The following KRTAP4-5 variants were observed in gnomAD, a reference collection of about 807,000 sequenced individuals.
KRTAP4-5 encodes keratin-associated protein 4-5.
For synonymous variants in KRTAP4-5, 73 were observed against 83.6 expected (o/e 0.87, Z 0.69); for missense variants, 199 against 233.7 (o/e 0.85, Z 0.97).
rs1013686086 is a variant in KRTAP4-5 at position 41,149,085 on chromosome 17, A to T, written c.*137T>A. 1 of 1,371,214 alleles carries T rather than the reference A, an allele frequency of 7.3e-7. No individual in the cohort carries two copies. The highest frequency in any genetic ancestry group is 1.5e-5 in the South Asian group (1 of 66,132). 84.9% of individuals were successfully genotyped at this position (1,371,214 alleles called of 1,614,324 possible). On this transcript the variant is annotated 3_prime_UTR_variant, in exon 1 of 1. Transcript: ENST00000343246. ...GTGATTGTCTGTCATTTCCTAGAAG[A>T]GCTGAATGTCCACTCTGAATGCCAC...
Position 41,149,473 on chromosome 17 carries a change from T to C in KRTAP4-5, c.295A>G (p.Ser99Gly). ...TCCRTTCCCP[S>G]CCVSSCCRPQ... Reference sequence around the variant, plus strand: ...CTGCAGCAGCTGGACACACAGCAGCTGGGGCAGCAGCAGGTGGTCCTGCAG... The same window carrying C: ...CTGCAGCAGCTGGACACACAGCAGCCGGGGCAGCAGCAGGTGGTCCTGCAG... Residue 99 changes from serine (S) to glycine (G), a missense_variant, in exon 1 of 1, where the codon AGC (serine) becomes GGC (glycine). Transcript: ENST00000343246. 1 of 1,570,550 alleles carries C rather than the reference T, an allele frequency of 6.4e-7. No individual in the cohort carries two copies. Among genetic ancestry groups the C allele is most frequent in the Non-Finnish European group, 8.6e-7 (1 of 1,157,668 alleles).
At position 41,148,949 on chromosome 17, in the gene KRTAP4-5, C is replaced by A. The variant is rs980614523; in HGVS notation, c.*273G>T. On this transcript the variant is annotated 3_prime_UTR_variant, in exon 1 of 1. Coordinates refer to ENST00000343246, the MANE Select transcript of KRTAP4-5 (RefSeq NM_033188.4). Reference sequence around the variant, plus strand: ...TTAGGGAAGTGGCTGTTTATTAATACATGAAAACAATATTATATGAGATCA... The same window carrying A: ...TTAGGGAAGTGGCTGTTTATTAATAAATGAAAACAATATTATATGAGATCA... The A allele has an allele frequency of 1.6e-6, 1 of 620,148 alleles. No individual in the cohort carries two copies. The highest frequency in any genetic ancestry group is 2.7e-6 in the Non-Finnish European group (1 of 365,528). The allele number at this position is 620,148 out of a possible 1,614,324, so 38.4% of individuals were successfully genotyped here.
rs1007646855 is a variant in KRTAP4-5, at chr17:41,149,046, A to G, written c.*176T>C. On this transcript the variant is annotated 3_prime_UTR_variant, in exon 1 of 1. Coordinates refer to ENST00000343246, the MANE Select transcript of KRTAP4-5 (RefSeq NM_033188.4). ...TAACTGCATTGGGGCCTGGCATAAC[A>G]TATTTTAATGAATGTGATTGTCTGT... 100 of 1,185,852 alleles carry G rather than the reference A, an allele frequency of 8.4e-5. No individual in the cohort carries two copies. Among genetic ancestry groups the G allele is most frequent in the Non-Finnish European group, 1.0e-4 (87 of 858,746 alleles). 73.5% of individuals were successfully genotyped at this position (1,185,852 alleles called of 1,614,324 possible).
Position 41,149,778 on chromosome 17 carries a change from G to A in KRTAP4-5, c.-11C>T. The A allele has an allele frequency of 6.3e-7, 1 of 1,595,888 alleles. No individual in the cohort carries two copies. The highest frequency in any genetic ancestry group is 8.5e-7 in the Non-Finnish European group (1 of 1,169,862). ...ACAGGAGCTGACCATGGTGTCAGAG[G>A]GTGGAGGTTCTGGGTGGATTTCTAG... On this transcript the variant is annotated 5_prime_UTR_variant, in exon 1 of 1. Transcript: ENST00000343246.
chr17:41,149,518 T>C lies in KRTAP4-5; in HGVS notation c.250A>G (p.Thr84Ala), dbSNP rs762817640. ...CTGCAGCAGGTGGTCCTGCAGCAGG[T>C]GGTCTGGCAGCAGCAGGGGCGGCAG... is the stretch of plus-strand genomic sequence containing the variant. ...SCCRPCCCQT[T>A]CCRTTCCRTT... Residue 84 changes from threonine (T) to alanine (A), a missense_variant, in exon 1 of 1, where the codon ACC becomes GCC. By Grantham distance (58) the Thr-to-Ala change is moderately conservative (BLOSUM62 0). Transcript: ENST00000343246. 3.3e-6 allele frequency: 5 copies of C among 1,504,622 alleles called. No homozygotes were observed. Among genetic ancestry groups the C allele is most frequent in the Non-Finnish European group, 4.5e-6 (5 of 1,120,750 alleles). 93.2% of individuals were successfully genotyped at this position (1,504,622 alleles called of 1,614,324 possible). A position where few individuals can be genotyped will look rare whatever the true frequency, so the allele number is the denominator to read the frequency against.
Position 41,149,661 on chromosome 17 carries a change from C to T in KRTAP4-5, c.107G>A (p.Cys36Tyr), listed in dbSNP as rs2014813653. The change falls in exon 1 of 1, where the codon TGC becomes TAC. Residue 36 changes from cysteine (C) to tyrosine (Y), a missense_variant. By Grantham distance (194) the Cys-to-Tyr change is radical (BLOSUM62 -2). Transcript: ENST00000343246. The part of the protein sequence containing the change: ...CQTTCCRTTC[C>Y]RPSCCKPQCC... ...CTGGGGCTTGCAGCAGCTGGGGCGG[C>T]AGCAGGTGGTCCTGCAGCAGGTGGT... is the stretch of plus-strand genomic sequence containing the variant. 1 of 1,613,882 alleles carries T rather than the reference C, an allele frequency of 6.2e-7. No individual in the cohort carries two copies. The highest frequency in any genetic ancestry group is 8.5e-7 in the Non-Finnish European group (1 of 1,179,906).
chr17:41,149,779 G>T lies in KRTAP4-5; in HGVS notation c.-12C>A, dbSNP rs368239627. Reference sequence around the variant, plus strand: ...CAGGAGCTGACCATGGTGTCAGAGGGTGGAGGTTCTGGGTGGATTTCTAGA... The same window carrying T: ...CAGGAGCTGACCATGGTGTCAGAGGTTGGAGGTTCTGGGTGGATTTCTAGA... On this transcript the variant is annotated 5_prime_UTR_variant, in exon 1 of 1. Coordinates refer to ENST00000343246, the MANE Select transcript of KRTAP4-5 (RefSeq NM_033188.4). 17 of 1,594,776 alleles carry T rather than the reference G, an allele frequency of 1.1e-5. No individual in the cohort carries two copies. The highest frequency in any genetic ancestry group is 1.3e-5 in the Non-Finnish European group (15 of 1,169,324).
rs2143965690 is a variant in KRTAP4-5 at position 41,149,313 on chromosome 17, C to A, written c.455G>T (p.Gly152Val). ...GCAAGTGGTGTGGCAGGAGACTCGG[C>A]CACAGACTGGACGCACGCAGCAGCA... ...RPCCCVRPVC[G>V]RVSCHTTCYR... The change falls in exon 1 of 1, where the codon GGC becomes GTC. Residue 152 changes from glycine (G) to valine (V), a missense_variant. Transcript: ENST00000343246. 6.2e-7 allele frequency: 1 copy of A among 1,610,810 alleles called. No individual in the cohort carries two copies. Among genetic ancestry groups the A allele is most frequent in the Middle Eastern group, 1.7e-4 (1 of 6,034 alleles).
In KRTAP4-5 at chr17:41,149,352, C is replaced by T. The variant is rs1271006215; in HGVS notation, c.416G>A (p.Ser139Asn). The T allele has an allele frequency of 1.2e-6, 2 of 1,613,456 alleles. No homozygotes were observed. Among genetic ancestry groups the T allele is most frequent in the East Asian group, 4.5e-5 (2 of 44,862 alleles). Residue 139 changes from serine to asparagine, a missense_variant, in exon 1 of 1, where the codon AGC becomes AAC. Transcript: ENST00000343246. ...SCCHPSCCESSCCRPCCCVRP... is the reference protein window; with the variant it reads ...SCCHPSCCESNCCRPCCCVRP... ...CACGCAGCAGCAGGGGCGGCAGCAGCTGGATTCACAGCAAGAGGGGTGGCA... is the reference window on the plus strand; with the variant it reads ...CACGCAGCAGCAGGGGCGGCAGCAGTTGGATTCACAGCAAGAGGGGTGGCA...
At chr17:41,149,615 G>C in the KRTAP4-5 span, 3 of 1,612,630 alleles carry the variant, frequency 1.9e-6, no homozygotes, top group South Asian at 1.1e-5. Context: ...AGGTGGGCTG[G>C]TAGCACACAG....
chr17:41,149,813 G>A lies in KRTAP4-5; in HGVS notation c.-46C>T, dbSNP rs936313688. ...CTGGGTGGATTTCTAGAAGAATGAG[G>A]TTCTCAAGTTTGGAAGTGTCCTTGG... On this transcript the variant is annotated 5_prime_UTR_variant, in exon 1 of 1. Coordinates refer to ENST00000343246, the MANE Select transcript of KRTAP4-5 (RefSeq NM_033188.4). The A allele has an allele frequency of 6.4e-7, 1 of 1,560,156 alleles. No homozygotes were observed. Among genetic ancestry groups the A allele is most frequent in the Non-Finnish European group, 8.7e-7 (1 of 1,153,076 alleles).
rs1354617428 is a variant in KRTAP4-5 at position 41,149,821 on chromosome 17, G to A, written c.-54C>T. The stretch of plus-strand genomic sequence containing the variant: ...ATTTCTAGAAGAATGAGGTTCTCAA[G>A]TTTGGAAGTGTCCTTGGGCCACAGC... On this transcript the variant is annotated 5_prime_UTR_variant, in exon 1 of 1. Coordinates refer to ENST00000343246, the MANE Select transcript of KRTAP4-5 (RefSeq NM_033188.4). The A allele has an allele frequency of 6.5e-7, 1 of 1,549,592 alleles. No individual in the cohort carries two copies. Among genetic ancestry groups the A allele is most frequent in the Non-Finnish European group, 8.7e-7 (1 of 1,146,436 alleles).
chr17:41,149,032 G>C lies in KRTAP4-5; in HGVS notation c.*190C>G. 9.5e-7 allele frequency: 1 copy of C among 1,047,388 alleles called. No homozygotes were observed. The highest frequency in any genetic ancestry group is 1.6e-5 in the African/African-American group (1 of 61,798). The allele number at this position is 1,047,388 out of a possible 1,614,324, so 64.9% of individuals were successfully genotyped here. On this transcript the variant is annotated 3_prime_UTR_variant, in exon 1 of 1. Coordinates refer to ENST00000343246, the MANE Select transcript of KRTAP4-5 (RefSeq NM_033188.4). ...TGCTCATCTAAAAATAACTGCATTG[G>C]GGCCTGGCATAACATATTTTAATGA...
Position 41,149,667 on chromosome 17 carries a change from G to A in KRTAP4-5, c.101C>T (p.Thr34Ile). Residue 34 changes from threonine to isoleucine, a missense_variant, in exon 1 of 1, where the codon ACC (threonine) becomes ATC (isoleucine). Coordinates refer to ENST00000343246, the MANE Select transcript of KRTAP4-5 (RefSeq NM_033188.4). ...CTTGCAGCAGCTGGGGCGGCAGCAGGTGGTCCTGCAGCAGGTGGTCTGGCA... is the reference window on the plus strand; with the variant it reads ...CTTGCAGCAGCTGGGGCGGCAGCAGATGGTCCTGCAGCAGGTGGTCTGGCA... ...SCCQTTCCRT[T>I]CCRPSCCKPQ... 2 of 1,610,410 alleles carry A rather than the reference G, an allele frequency of 1.2e-6. No individual in the cohort carries two copies. The highest frequency in any genetic ancestry group is 1.7e-6 in the Non-Finnish European group (2 of 1,177,170).
rs759366030 is a variant in KRTAP4-5, at chr17:41,149,514, C to G, written c.254G>C (p.Cys85Ser). 6.6e-7 allele frequency: 1 copy of G among 1,516,206 alleles called. No individual in the cohort carries two copies. Among genetic ancestry groups the G allele is most frequent in the Non-Finnish European group, 8.9e-7 (1 of 1,124,246 alleles). The allele number at this position is 1,516,206 out of a possible 1,614,324, so 93.9% of individuals were successfully genotyped here. A position where few individuals can be genotyped will look rare whatever the true frequency, so the allele number is the denominator to read the frequency against. The part of the protein sequence containing the change: ...CCRPCCCQTT[C>S]CRTTCCRTTC... The stretch of plus-strand genomic sequence containing the variant: ...GGTCCTGCAGCAGGTGGTCCTGCAG[C>G]AGGTGGTCTGGCAGCAGCAGGGGCG... The change falls in exon 1 of 1, where the codon TGC becomes TCC. Residue 85 changes from cysteine to serine, a missense_variant. Coordinates refer to ENST00000343246, the MANE Select transcript of KRTAP4-5 (RefSeq NM_033188.4).
At position 41,149,376 on chromosome 17, in the gene KRTAP4-5, C is replaced by A; in HGVS notation, c.392G>T (p.Cys131Phe). The A allele has an allele frequency of 1.9e-6, 3 of 1,608,900 alleles. No individual in the cohort carries two copies. Among genetic ancestry groups the A allele is most frequent in the Non-Finnish European group, 2.5e-6 (3 of 1,177,154 alleles). ...GCTGGATTCACAGCAAGAGGGGTGGCAGCAGCTGGAGATGCAGCAGCTGGG... is the reference window on the plus strand; with the variant it reads ...GCTGGATTCACAGCAAGAGGGGTGGAAGCAGCTGGAGATGCAGCAGCTGGG... Reference protein sequence around the residue: ...CRPSCCISSCCHPSCCESSCC... With the variant: ...CRPSCCISSCFHPSCCESSCC... The change falls in exon 1 of 1, where the codon TGC becomes TTC. Residue 131 changes from cysteine to phenylalanine, a missense_variant. By Grantham distance (205) the Cys-to-Phe change is radical. Coordinates refer to ENST00000343246, the MANE Select transcript of KRTAP4-5 (RefSeq NM_033188.4).
In KRTAP4-5 at chr17:41,149,033, G is replaced by A; in HGVS notation, c.*189C>T. ...GCTCATCTAAAAATAACTGCATTGG[G>A]GCCTGGCATAACATATTTTAATGAA... On this transcript the variant is annotated 3_prime_UTR_variant, in exon 1 of 1. Transcript: ENST00000343246. 9.5e-7 allele frequency: 1 copy of A among 1,057,418 alleles called. No homozygotes were observed. Among genetic ancestry groups the A allele is most frequent in the Non-Finnish European group, 1.3e-6 (1 of 742,554 alleles). The allele number at this position is 1,057,418 out of a possible 1,614,324, so 65.5% of individuals were successfully genotyped here. A position where few individuals can be genotyped will look rare whatever the true frequency, so the allele number is the denominator to read the frequency against.
Position 41,149,710 on chromosome 17 carries a change from A to T in KRTAP4-5, c.58T>A (p.Cys20Ser). ...GTCTGGCAGCAGCTGGGGCGGCAGC[A>T]GTTCTCCAGGCCACAGCTCTGCTCA... ...SSEQSCGLENCCRPSCCQTTC... is the reference protein window; with the variant it reads ...SSEQSCGLENSCRPSCCQTTC... Residue 20 changes from cysteine to serine, a missense_variant, in exon 1 of 1, where the codon TGC becomes AGC. Cys to Ser is a moderately radical substitution (Grantham distance 112). Coordinates refer to ENST00000343246, the MANE Select transcript of KRTAP4-5 (RefSeq NM_033188.4). 6.2e-7 allele frequency: 1 copy of T among 1,613,958 alleles called. No homozygotes were observed. The highest frequency in any genetic ancestry group is 8.5e-7 in the Non-Finnish European group (1 of 1,179,934).
At position 41,149,080 on chromosome 17, in the gene KRTAP4-5, A is replaced by G. The variant is rs1027008943; in HGVS notation, c.*142T>C. Reference sequence around the variant, plus strand: ...TGAATGTGATTGTCTGTCATTTCCTAGAAGAGCTGAATGTCCACTCTGAAT... The same window carrying G: ...TGAATGTGATTGTCTGTCATTTCCTGGAAGAGCTGAATGTCCACTCTGAAT... On this transcript the variant is annotated 3_prime_UTR_variant, in exon 1 of 1. Coordinates refer to ENST00000343246, the MANE Select transcript of KRTAP4-5 (RefSeq NM_033188.4). The G allele has an allele frequency of 7.4e-6, 10 of 1,355,116 alleles. No individual in the cohort carries two copies. In the African/African-American group the frequency reaches 8.9e-5, roughly 12 times the overall value. The allele number at this position is 1,355,116 out of a possible 1,614,324, so 83.9% of individuals were successfully genotyped here. A position where few individuals can be genotyped will look rare whatever the true frequency, so the allele number is the denominator to read the frequency against.
Sources: gnomAD v4.1 joint callset for allele counts on GRCh38, gnomAD v4.1.1 for gene constraint, MANE v1.5 for transcripts, NCBI Gene and HGNC (gene_info 2026-07-23, HGNC 2026-07-21) for gene names.